The following TENM1 variants were observed in gnomAD, a reference collection of about 807,000 sequenced individuals.
TENM1 encodes teneurin-1.
In TENM1, 35 loss-of-function variants were observed where a neutral mutation model predicts 174.8. The ratio of observed to expected loss-of-function variants is 0.20; its 90% CI spans 0.15 to 0.27. The LOEUF is 0.27. TENM1 is among the 10% of genes least tolerant of loss of function. The pLI is 1.00. For missense variants in TENM1, 1,633 were observed against 2,130.1 expected (o/e 0.77, Z 4.59); for synonymous variants, 781 against 798.7 (o/e 0.98, Z 0.37).
At chrX:124,601,400 T>C (rs2050022921) in intron 11 of TENM1, among the ~76,000 whole-genome samples, 1 of 110,381 alleles carries the variant, frequency 9.1e-6, no homozygotes, top group South Asian at 3.8e-4. Flanking sequence ...TCGAGGACTG[T>C]AATGGGAGGA....
intron 3 of TENM1, among the ~76,000 whole-genome samples, chrX:124,877,270 A>T (rs2147501232): frequency 8.9e-6 from 1 of 112,307 alleles, no homozygotes; most frequent in African/African-American, 3.2e-5. Context: ...TCATAGAGAC[A>T]AAGTATTAAT....
intron 11 of TENM1, among the ~76,000 whole-genome samples, chrX:124,585,445 A>C (rs1474770187): frequency 1.8e-5 from 2 of 111,491 alleles, no homozygotes; most frequent in Non-Finnish European, 3.8e-5. Flanking sequence ...TACTGGGTAC[A>C]TAACGAAATG....
intron 22 of TENM1, among the ~76,000 whole-genome samples, chrX:124,461,372 T>C (rs1489818218): frequency 8.9e-6 from 1 of 111,755 alleles, no homozygotes; most frequent in African/African-American, 3.3e-5. Context: ...TATCATATGA[T>C]CTAGCAATTC....
At position 124,824,389 on chromosome X, in the gene TENM1, A is replaced by T. The variant is rs148106250; in HGVS notation, c.535+69907T>A. On this transcript the variant is annotated intron_variant, in intron 3 of 31. Transcript: ENST00000422452. ...TTCTTAACTGCTCTATTCACTTTACACATTTTCTTTATGCACTTCATAGAC... is the reference window on the plus strand; with the variant it reads ...TTCTTAACTGCTCTATTCACTTTACTCATTTTCTTTATGCACTTCATAGAC... Among the ~76,000 whole-genome samples the T allele has an allele frequency of 4.8e-3, 541 of 112,007 alleles. 3 individuals carry two copies. The highest frequency in any genetic ancestry group is 0.016 in the African/African-American group (492 of 30,833).
At chrX:124,773,231 T>C (rs1001749171) in intron 3 of TENM1, among the ~76,000 whole-genome samples, 2 of 111,423 alleles carry the variant, frequency 1.8e-5, no homozygotes, top group Non-Finnish European at 3.8e-5. Flanking sequence ...TGCAGTTTTC[T>C]CTGAAACCAG....
chrX:124,866,870 T>C (rs1441609192), intron 3 of TENM1, among the ~76,000 whole-genome samples: 1 of 110,967 alleles, frequency 9.0e-6, no homozygotes, highest in Non-Finnish European at 1.9e-5. Context: ...TCTGCAACTA[T>C]ATGCTAATAA....
exon 11 of TENM1, chrX:124,641,942 T>A (rs1198684133): frequency 9.9e-6 from 12 of 1,211,573 alleles, no homozygotes; most frequent in Non-Finnish European, 1.3e-5. Context: ...AGTGACATTC[T>A]CCTTTTACAC....
chrX:124,849,783 A>G (rs778149475), intron 3 of TENM1, among the ~76,000 whole-genome samples: 5 of 111,962 alleles, frequency 4.5e-5, no homozygotes, highest in African/African-American at 1.6e-4. Context: ...ACGGCAGTGA[A>G]AAACTAATAC....
At chrX:124,503,147 G>A (rs1443339815) in intron 19 of TENM1, among the ~76,000 whole-genome samples, 4 of 111,601 alleles carry the variant, frequency 3.6e-5, no homozygotes, top group Non-Finnish European at 5.7e-5. Flanking sequence ...TAGACGCTCA[G>A]AGGAAAGCTG....
chrX:124,959,141 A>AT (rs1157401634), intron 1 of TENM1, among the ~76,000 whole-genome samples: 5 of 111,519 alleles, frequency 4.5e-5, no homozygotes, highest in African/African-American at 6.5e-5. Context: ...AATTAAAAAC[A>AT]TTTTTTTCTG....
At chrX:124,648,148 C>A (rs1195691364) in intron 8 of TENM1, among the ~76,000 whole-genome samples, 2 of 112,173 alleles carry the variant, frequency 1.8e-5, no homozygotes, top group Non-Finnish European at 3.8e-5. Flanking sequence ...GCAGCCCAGT[C>A]ATCTACATTC....
chrX:125,147,132 CATATGTGTGTATATATATCACATAT>C, the TENM1 span, among the ~76,000 whole-genome samples: 1 of 107,413 alleles, frequency 9.3e-6, no homozygotes, highest in Non-Finnish European at 1.9e-5. Flanking sequence ...TATATACACA[CATATGTGTGTATATATATCACATAT>C]ATGTGTGTAT....
In TENM1 at chrX:124,903,182, G is replaced by A. The variant is rs1046645822; in HGVS notation, c.218-6941C>T. 5.4e-5 allele frequency among the ~76,000 whole-genome samples: 6 copies of A among 111,522 alleles called. No homozygotes were observed. In the Admixed American group the frequency reaches 5.7e-4, roughly 11 times the overall value. ...TCGGCACTCAGGACCTACTAATTAT[G>A]CCTTATTTAATTTTCAAGATTTCTC... is the stretch of plus-strand genomic sequence containing the variant. On this transcript the variant is annotated intron_variant, in intron 1 of 31. Coordinates refer to ENST00000422452, the Ensembl canonical transcript of TENM1.
intron 11 of TENM1, among the ~76,000 whole-genome samples, chrX:124,575,026 C>T (rs1397278177): frequency 2.7e-5 from 3 of 112,195 alleles, no homozygotes; most frequent in African/African-American, 9.7e-5. Context: ...GTAGAACACA[C>T]GTGCACACAT....
In TENM1 at chrX:124,580,850, A is replaced by T. The variant is rs964834645; in HGVS notation, c.2078-15290T>A. ...CCAGGCACTGAGCATACTACCCAAC[A>T]GCTAGTTTTCAACCCTTCTCCCTCT... On this transcript the variant is annotated intron_variant, in intron 11 of 31. Transcript: ENST00000422452. 2.7e-5 allele frequency among the ~76,000 whole-genome samples: 3 copies of T among 110,101 alleles called. No individual in the cohort carries two copies. The South Asian group carries it at 1.2e-3, about 43-fold the overall frequency.
intron 25 of TENM1, among the ~76,000 whole-genome samples, chrX:124,408,147 T>A (rs1281222985): frequency 9.4e-6 from 1 of 106,439 alleles, no homozygotes; most frequent in Non-Finnish European, 1.9e-5. Flanking sequence ...TTAAAAAAAA[T>A]TAATTAATTT....
At chrX:124,903,597 A>G (rs2057698085) in intron 1 of TENM1, among the ~76,000 whole-genome samples, 1 of 112,316 alleles carries the variant, frequency 8.9e-6, no homozygotes, top group African/African-American at 3.2e-5. Context: ...ACCTTAGTGA[A>G]CGGCTCCATT....
intron 3 of TENM1, among the ~76,000 whole-genome samples, chrX:124,844,573 A>G (rs889083116): frequency 3.6e-5 from 4 of 111,293 alleles, no homozygotes; most frequent in African/African-American, 1.3e-4. Flanking sequence ...CTTCCAGTAG[A>G]AGATTATGTA....
chrX:125,130,766 T>G, the TENM1 span, among the ~76,000 whole-genome samples: 1 of 112,011 alleles, frequency 8.9e-6, no homozygotes, highest in Non-Finnish European at 1.9e-5. Context: ...CGCATTCACT[T>G]GAATGTATAC....
Sources: allele counts gnomAD v4.1 joint callset (sites outside exome capture counted in the v4.1 genomes callset), GRCh38; gene constraint gnomAD v4.1.1; transcripts MANE v1.5; gene names NCBI Gene and HGNC (gene_info 2026-07-23, HGNC 2026-07-21).